Variants in FCRL6 observed in about 807,000 individuals in gnomAD.
The protein encoded by FCRL6 is Fc receptor like 6.
Under a neutral mutation model 49.1 loss-of-function variants are expected in FCRL6, and 50 were observed. The ratio of observed to expected loss-of-function variants is 1.02; its 90% confidence interval spans 0.81 to 1.29. The LOEUF (loss-of-function observed/expected upper bound fraction) is 1.29, where lower values mean the gene tolerates loss of function less well. Ranked by LOEUF, FCRL6 falls within the 50% of genes most tolerant of loss-of-function variation. The probability of loss-of-function intolerance (pLI) is 0.00; values close to 1 mark genes in which losing one functional copy is unlikely to be tolerated. For missense variants in FCRL6, 571 were observed against 518.5 expected (o/e 1.10, Z -0.98); for synonymous variants, 213 against 199.6 (o/e 1.07, Z -0.57).
At position 159,814,343 on chromosome 1, in the gene FCRL6, C is replaced by G. The variant is rs749975055; in HGVS notation, c.1147+51C>G. On this transcript the variant is annotated intron_variant, in intron 8 of 9. Coordinates refer to ENST00000368106, the MANE Select transcript of FCRL6 (RefSeq NM_001004310.3). The stretch of plus-strand genomic sequence containing the variant: ...TACCTTTGCAAACAGAAGTTTTGGA[C>G]CTACAATGAGAGTATCACTACCACT... 4 of 1,421,764 alleles carry G rather than the reference C, an allele frequency of 2.8e-6. No homozygotes were observed. The African/African-American group carries it at 4.2e-5, about 15-fold the overall frequency. The allele number at this position is 1,421,764 out of a possible 1,614,324, so 88.1% of individuals were successfully genotyped here.
Position 159,808,293 on chromosome 1 carries a change from A to G in FCRL6, c.168A>G (p.Gly56=), listed in dbSNP as rs1490880660. The part of the protein sequence containing the change: ...PLSQVKFYRD[G]KFLHFSKENQ... ...CTCAGGTGAAGTTCTACAGAGATGG[A>G]AAATTCCTTCATTTCTCTAAGGAAA... Residue 56 remains glycine, a synonymous_variant, in exon 3 of 10, where the codon GGA becomes GGG. Transcript: ENST00000368106. 10 of 1,614,246 alleles carry G rather than the reference A, an allele frequency of 6.2e-6. No homozygotes were observed. The highest frequency in any genetic ancestry group is 1.3e-5 in the African/African-American group (1 of 75,062).
chr1:159,816,117 C>A lies in FCRL6; in HGVS notation c.*456C>A. 1 of 182,762 alleles carries A rather than the reference C, an allele frequency of 5.5e-6. No individual in the cohort carries two copies. Among genetic ancestry groups the A allele is most frequent in the South Asian group, 1.2e-4 (1 of 8,076 alleles). 11.3% of individuals were successfully genotyped at this position (182,762 alleles called of 1,614,324 possible). ...TAGTTGCCTTAACATCATAACACAA[C>A]ACATTTCTCACGCGTTTGTGGTGAT... On this transcript the variant is annotated 3_prime_UTR_variant, in exon 10 of 10. Coordinates refer to ENST00000368106, the MANE Select transcript of FCRL6 (RefSeq NM_001004310.3).
intron 8 of FCRL6, 65 bp downstream of exon 8, chr1:159,814,357 A>T (rs1472592310): frequency 1.7e-5 from 20 of 1,164,006 alleles, no homozygotes. Context: ...CAATGAGAGT[A>T]TCACTACCAC....
upstream of FCRL6, among the ~76,000 whole-genome samples, chr1:159,801,427 C>A (rs930083775): frequency 2.6e-5 from 4 of 152,218 alleles, no homozygotes; most frequent in Non-Finnish European, 5.9e-5. Context: ...TAGAGGATTG[C>A]ATGGGGAGGG....
In FCRL6 at chr1:159,814,228, C is replaced by T. The variant is rs761397464; in HGVS notation, c.1083C>T (p.His361=). The change falls in exon 8 of 10, where the codon CAC becomes CAT. Residue 361 remains histidine (H), a synonymous_variant. Transcript: ENST00000368106. The part of the protein sequence containing the change: ...EQCPLYANVH[H]QKGKDEGVVY... ...CCTCATTCCTTCTTCCAGTGCATCA[C>T]CAGAAAGGGAAAGATGAAGGTGTTG... The T allele has an allele frequency of 6.2e-7, 1 of 1,613,966 alleles. No individual in the cohort carries two copies. Among genetic ancestry groups the T allele is most frequent in the East Asian group, 2.2e-5 (1 of 44,868 alleles).
intron 8 of FCRL6, among the ~76,000 whole-genome samples, chr1:159,814,702 T>A (rs1663290333): frequency 6.6e-6 from 1 of 152,156 alleles, no homozygotes; most frequent in Non-Finnish European, 1.5e-5. Flanking sequence ...AGAGTCTAAG[T>A]CTAAACAGGA....
Position 159,809,223 on chromosome 1 carries a change from C to G in FCRL6, c.582C>G (p.Pro194=), listed in dbSNP as rs752612543. Residue 194 remains proline (P), a synonymous_variant, in exon 4 of 10, where the codon CCC becomes CCG. Transcript: ENST00000368106. ...PEGGQVQKQS[P]QLEVRVQAPV... is the part of the protein sequence containing the mutation. ...GTGGCCAGGTCCAGAAGCAGAGCCC[C>G]CAGCTGGAGGTCAGAGTGCAGGGTA... 3.2e-6 allele frequency: 5 copies of G among 1,574,828 alleles called. No individual in the cohort carries two copies. Among genetic ancestry groups the G allele is most frequent in the Non-Finnish European group, 3.4e-6 (4 of 1,162,422 alleles).
intron 8 of FCRL6, 92 bp downstream of exon 8, chr1:159,814,384 A>ATT: frequency 1.1e-6 from 1 of 883,834 alleles, no homozygotes; most frequent in Non-Finnish European, 1.9e-6. Flanking sequence ...TACCACTTTT[A>ATT]TCATTACTGT....
chr1:159,804,092 T>C (rs6662539), intron 1 of FCRL6, among the ~76,000 whole-genome samples: 55,483 of 152,040 alleles, frequency 0.36, 11,745 homozygotes, highest in Middle Eastern at 0.48. Context: ...CCAACTTCCC[T>C]CCTACCACTG....
chr1:159,802,126 C>G (rs746286987), upstream of FCRL6, among the ~76,000 whole-genome samples: 6 of 152,158 alleles, frequency 3.9e-5, no homozygotes, highest in Non-Finnish European at 5.9e-5. Flanking sequence ...CATCCTAGTT[C>G]CCTGGCATAG....
chr1:159,801,837 G>T (rs1662353119), upstream of FCRL6, among the ~76,000 whole-genome samples: 1 of 152,122 alleles, frequency 6.6e-6, no homozygotes. Flanking sequence ...AGCTCCATCT[G>T]TGTTCTACTC....
At chr1:159,804,591 G>T (rs990574192) in intron 1 of FCRL6, among the ~76,000 whole-genome samples, 1 of 152,222 alleles carries the variant, frequency 6.6e-6, no homozygotes, top group African/African-American at 2.4e-5. Context: ...CTGTAAGCAG[G>T]TGTCACCCCC....
intron 8 of FCRL6, among the ~76,000 whole-genome samples, chr1:159,814,708 C>T (rs1231807983): frequency 3.3e-5 from 5 of 152,198 alleles, no homozygotes; most frequent in Admixed American, 2.0e-4. Context: ...TAAGTCTAAA[C>T]AGGACAGTCT....
intron 1 of FCRL6, among the ~76,000 whole-genome samples, chr1:159,804,596 AC>A (rs1232066469): frequency 6.6e-6 from 1 of 152,146 alleles, no homozygotes; most frequent in African/African-American, 2.4e-5. Context: ...AGCAGGTGTC[AC>A]CCCCTGTGTA....
intron 1 of FCRL6, among the ~76,000 whole-genome samples, chr1:159,806,308 G>A (rs1408352504): frequency 6.6e-6 from 1 of 152,238 alleles, no homozygotes; most frequent in Non-Finnish European, 1.5e-5. Flanking sequence ...GTTCTAGGGA[G>A]TACGTCCAGC....
At chr1:159,815,397 G>C (rs751267338) in intron 8 of FCRL6, 31 bp from the exon 9 acceptor site, 11 of 1,610,142 alleles carry the variant, frequency 6.8e-6, no homozygotes, top group Non-Finnish European at 9.3e-6. Context: ...GGAGCACAGA[G>C]ACCTGACCTG....
intron 7 of FCRL6, 79 bp from the exon 8 acceptor site, chr1:159,814,142 T>G: frequency 1.5e-6 from 2 of 1,339,736 alleles, no homozygotes; most frequent in Non-Finnish European, 2.1e-6. Flanking sequence ...GATGGGCTTC[T>G]CTCCATGTCT....
Position 159,806,202 on chromosome 1 carries a change from G to A in FCRL6, c.32-394G>A, listed in dbSNP as rs913329822. On this transcript the variant is annotated intron_variant, in intron 1 of 9. Transcript: ENST00000368106. Reference sequence around the variant, plus strand: ...TAAGTGTTTTGAAGATAATACAATGGGGCATTGTTTTAGTGATTGGGGAAA... The same window carrying A: ...TAAGTGTTTTGAAGATAATACAATGAGGCATTGTTTTAGTGATTGGGGAAA... Among the ~76,000 whole-genome samples, 8 of 152,204 alleles carry A rather than the reference G, an allele frequency of 5.3e-5. No individual in the cohort carries two copies. In the East Asian group the frequency reaches 1.3e-3, roughly 26 times the overall value.
intron 1 of FCRL6, among the ~76,000 whole-genome samples, chr1:159,803,289 A>G (rs73028941): frequency 0.034 from 5,132 of 152,274 alleles, 295 homozygotes; most frequent in African/African-American, 0.12. Flanking sequence ...ATAATTTGGC[A>G]TATATTTTGT....
Sources: gnomAD v4.1 joint callset for allele counts (sites outside exome capture counted in the v4.1 genomes callset) on GRCh38, gnomAD v4.1.1 for gene constraint, MANE v1.5 for transcripts, NCBI Gene and HGNC (gene_info 2026-07-23, HGNC 2026-07-21) for gene names.